The following ITGAV variants were observed in gnomAD, a reference collection of about 807,000 sequenced individuals.
ITGAV encodes integrin alpha-V.
In ITGAV, 76 loss-of-function variants were observed where a neutral mutation model predicts 143.8. That is an observed-to-expected ratio of 0.53 (90% CI 0.44 to 0.64). ITGAV has a LOEUF of 0.64. Among genes scored for constraint, ITGAV ranks in the 30% least tolerant of loss-of-function variants. The probability of loss-of-function intolerance (pLI) is 0.00; values close to 1 mark genes in which losing one functional copy is unlikely to be tolerated. For synonymous variants in ITGAV, 453 were observed against 446.7 expected (o/e 1.01, Z -0.18); for missense variants, 1,193 against 1,274.7 (o/e 0.94, Z 0.98).
At chr2:186,629,677 G>T (rs1461089877) in intron 4 of ITGAV, among the ~76,000 whole-genome samples, 1 of 152,048 alleles carries the variant, frequency 6.6e-6, no homozygotes, top group Non-Finnish European at 1.5e-5. Flanking sequence ...TTATTTAGCA[G>T]AAGTTCTTAG....
In ITGAV at chr2:186,675,876, A is replaced by C. The variant is rs753253288; in HGVS notation, c.2877A>C (p.Ile959=). 6.2e-7 allele frequency: 1 copy of C among 1,610,366 alleles called. No homozygotes were observed. The highest frequency in any genetic ancestry group is 8.5e-7 in the Non-Finnish European group (1 of 1,177,040). ...SLKSSASFNV[I]EFPYKNLPIE... ...AGTCGTCTGCTTCATTTAATGTCAT[A>C]GAGTTTCCTTATAAGAATCTTCCAA... The change falls in exon 28 of 30, where the codon ATA becomes ATC. Residue 959 remains isoleucine (I), a synonymous_variant. Transcript: ENST00000261023.
At chr2:186,614,435 T>A (rs1687297241) in intron 2 of ITGAV, among the ~76,000 whole-genome samples, 1 of 152,096 alleles carries the variant, frequency 6.6e-6, no homozygotes, top group African/African-American at 2.4e-5. Flanking sequence ...TTTTTTTAGT[T>A]AATTTTTAAA....
At chr2:186,616,228 T>C (rs925702570) in intron 2 of ITGAV, among the ~76,000 whole-genome samples, 33 of 151,922 alleles carry the variant, frequency 2.2e-4, no homozygotes, top group Middle Eastern at 3.4e-3. Flanking sequence ...ATTTTAGGCA[T>C]ACTAATATCT....
In ITGAV at chr2:186,680,707, A is replaced by G. The variant is rs558262643; in HGVS notation, c.*3415A>G. On this transcript the variant is annotated 3_prime_UTR_variant, in exon 30 of 30. Coordinates refer to ENST00000261023, the MANE Select transcript of ITGAV (RefSeq NM_002210.5). ...AACTTGGAAGCTGTGTAGTATATCA[A>G]ATTAATTTGCTACCTAATAACATAG... 6.5e-6 allele frequency: 1 copy of G among 152,748 alleles called. No individual in the cohort carries two copies. The highest frequency in any genetic ancestry group is 2.1e-4 in the South Asian group (1 of 4,826). The allele number at this position is 152,748 out of a possible 1,614,324, so 9.5% of individuals were successfully genotyped here.
intron 4 of ITGAV, among the ~76,000 whole-genome samples, chr2:186,630,310 T>C (rs1239059900): frequency 1.3e-5 from 2 of 151,934 alleles, no homozygotes; most frequent in Admixed American, 6.6e-5. Flanking sequence ...GATCACAACT[T>C]GTTAGTGTTT....
At chr2:186,648,954 GTA>G (rs772019697) in intron 13 of ITGAV, among the ~76,000 whole-genome samples, 97 of 145,262 alleles carry the variant, frequency 6.7e-4, no homozygotes, top group African/African-American at 2.1e-3. Context: ...ACATTTGTGT[GTA>G]TATATATATA....
At chr2:186,591,121 G>A (rs897008160) in intron 1 of ITGAV, among the ~76,000 whole-genome samples, 2 of 152,156 alleles carry the variant, frequency 1.3e-5, no homozygotes, top group Non-Finnish European at 2.9e-5. Flanking sequence ...GCACATTTGA[G>A]GTTGAACAGA....
At chr2:186,636,040 C>G in intron 6 of ITGAV, 42 bp from the exon 7 acceptor site, 1 of 1,562,458 alleles carries the variant, frequency 6.4e-7, no homozygotes, top group Non-Finnish European at 8.7e-7. Flanking sequence ...CATAAAGTTT[C>G]CATTTGAAGG....
intron 12 of ITGAV, among the ~76,000 whole-genome samples, chr2:186,642,544 T>C (rs1307204448): frequency 6.7e-6 from 1 of 149,228 alleles, no homozygotes. Flanking sequence ...TCTTTTTTTT[T>C]TTTTTTTTGA....
At chr2:186,663,715 A>C in intron 18 of ITGAV, 53 bp from the exon 19 acceptor site, 1 of 1,275,538 alleles carries the variant, frequency 7.8e-7, no homozygotes, top group South Asian at 1.2e-5. Flanking sequence ...AACACTGCTT[A>C]TGCCACCTGC....
chr2:186,629,920 T>C (rs565514096), intron 4 of ITGAV, among the ~76,000 whole-genome samples: 1 of 152,222 alleles, frequency 6.6e-6, no homozygotes, highest in African/African-American at 2.4e-5. Context: ...TTAAAATTAA[T>C]TTAAATTAAT....
At chr2:186,637,541 A>G (rs1687981527) in intron 8 of ITGAV, among the ~76,000 whole-genome samples, 1 of 151,832 alleles carries the variant, frequency 6.6e-6, no homozygotes, top group Non-Finnish European at 1.5e-5. Flanking sequence ...AACCATTGTT[A>G]TGGAATATAA....
At chr2:186,608,708 C>T (rs1052008024) in intron 2 of ITGAV, among the ~76,000 whole-genome samples, 6 of 152,110 alleles carry the variant, frequency 3.9e-5, no homozygotes, top group African/African-American at 1.4e-4. Context: ...TTTATTTCCA[C>T]TCACCATTTA....
At chr2:186,672,012 C>T (rs552751990) in intron 26 of ITGAV, among the ~76,000 whole-genome samples, 6 of 142,530 alleles carry the variant, frequency 4.2e-5, no homozygotes, top group Non-Finnish European at 7.5e-5. Flanking sequence ...AGTCCAGTGG[C>T]GAAATCTCGG....
At position 186,669,684 on chromosome 2, in the gene ITGAV, T is replaced by G. The variant is rs760760639; in HGVS notation, c.2593-17T>G. 1 of 1,546,750 alleles carries G rather than the reference T, an allele frequency of 6.5e-7. No homozygotes were observed. The highest frequency in any genetic ancestry group is 8.9e-7 in the Non-Finnish European group (1 of 1,126,696). On this transcript the variant is annotated splice_polypyrimidine_tract_variant and intron_variant, in intron 25 of 29. Coordinates refer to ENST00000261023, the MANE Select transcript of ITGAV (RefSeq NM_002210.5). ...TCATTATCATTTACCACCATTTTAT[T>G]AATGTGATTGCATTAGATCTCATCT...
In ITGAV at chr2:186,609,320, C is replaced by T. The variant is rs867350217; in HGVS notation, c.316+7169C>T. ...TATCATTTATTAAAAGGCCATGTAA[C>T]TGTTGCTTGTCACGTGCATTAAGAC... On this transcript the variant is annotated intron_variant, in intron 2 of 29. Transcript: ENST00000261023. Among the ~76,000 whole-genome samples, 100 of 152,136 alleles carry T rather than the reference C, an allele frequency of 6.6e-4. 1 individual carries two copies. Among genetic ancestry groups the T allele is most frequent in the Admixed American group, 2.5e-3 (38 of 15,278 alleles).
At position 186,648,785 on chromosome 2, in the gene ITGAV, AC is replaced by A. The variant is rs983785951; in HGVS notation, c.1352-1052del. 5.3e-5 allele frequency among the ~76,000 whole-genome samples: 8 copies of A among 151,896 alleles called. 1 individual carries two copies. Among genetic ancestry groups the A allele is most frequent in the African/African-American group, 1.9e-4 (8 of 41,350 alleles). On this transcript the variant is annotated intron_variant, in intron 13 of 29. Transcript: ENST00000261023. ...TGGGATTACAGGCATGAGCCACCACACCCGGCCATCAGGTTGATTCTTAACT... is the reference window on the plus strand; with the variant it reads ...TGGGATTACAGGCATGAGCCACCACACCGGCCATCAGGTTGATTCTTAACT...
At chr2:186,602,225 G>A (rs1300490393) in intron 2 of ITGAV, 74 bp downstream of exon 2, 2 of 1,305,030 alleles carry the variant, frequency 1.5e-6, no homozygotes, top group African/African-American at 1.5e-5. Context: ...TAGTTTAAAT[G>A]TAGCCATTTA....
rs754620384 is a variant in ITGAV at position 186,669,756 on chromosome 2, G to A, written c.2648G>A (p.Arg883Gln). The change falls in exon 26 of 30, where the codon CGG (arginine) becomes CAG (glutamine). Residue 883 changes from arginine (R) to glutamine (Q), a missense_variant. Coordinates refer to ENST00000261023, the MANE Select transcript of ITGAV (RefSeq NM_002210.5). ...KNDTVAGQGE[R>Q]DHLITKRDLA... ...GACACGGTTGCCGGGCAAGGTGAGC[G>A]GGACCATCTCATCACTAAGCGGGAT... 1.7e-5 allele frequency: 27 copies of A among 1,614,124 alleles called. No individual in the cohort carries two copies. Among genetic ancestry groups the A allele is most frequent in the Middle Eastern group, 3.3e-4 (2 of 6,062 alleles).
Sources: allele counts gnomAD v4.1 joint callset (sites outside exome capture counted in the v4.1 genomes callset), GRCh38; gene constraint gnomAD v4.1.1; transcripts MANE v1.5; gene names NCBI Gene and HGNC (gene_info 2026-07-23, HGNC 2026-07-21).